The following OTC variants were observed in gnomAD, a reference collection of about 807,000 sequenced individuals.
OTC encodes ornithine transcarbamylase, also known as ornithine transcarbamylase, mitochondrial.
A neutral mutation model predicts 30.3 loss-of-function variants in OTC; 3 were observed. The ratio of observed to expected loss-of-function variants is 0.10; its 90% CI spans 0.05 to 0.26. OTC has a LOEUF of 0.26. Among genes scored for constraint, OTC ranks in the 10% least tolerant of loss-of-function variants. The pLI, the probability that OTC is intolerant of heterozygous loss-of-function variation, is 1.00. For synonymous variants in OTC, 111 were observed against 99.7 expected, an observed-to-expected ratio of 1.11 and a Z score of -0.67; for missense variants, 194 against 260.3, an observed-to-expected ratio of 0.75 and a Z score of 1.75.
At chrX:38,342,688 T>C in the OTC span, among the ~76,000 whole-genome samples, 1 of 111,574 alleles carries the variant, frequency 9.0e-6, no homozygotes, top group Non-Finnish European at 1.9e-5. Context: ...TGAACTCCAG[T>C]TGAAAAATTC....
the OTC span, among the ~76,000 whole-genome samples, chrX:38,346,106 G>C: frequency 9.0e-6 from 1 of 111,006 alleles, no homozygotes; most frequent in Non-Finnish European, 1.9e-5. Flanking sequence ...GGGTGACATA[G>C]TAAGACTCTA....
chrX:38,332,504 T>TTATTTATATATA, the OTC span, among the ~76,000 whole-genome samples: 1 of 39,381 alleles, frequency 2.5e-5, no homozygotes, highest in South Asian at 2.2e-3. Flanking sequence ...GCCCTAGATT[T>TTATTTATATATA]TATATATATA....
chrX:38,367,960 C>T (rs987893749), intron 2 of OTC, among the ~76,000 whole-genome samples: 3 of 111,301 alleles, frequency 2.7e-5, no homozygotes, highest in Admixed American at 1.9e-4. Context: ...TCAAGTGATC[C>T]GCCCACCTTG....
Position 38,369,886 on chromosome X carries a change from A to C in OTC, c.298+9A>C, listed in dbSNP as rs376393166. On this transcript the variant is annotated intron_variant, in intron 3 of 9. Transcript: ENST00000039007. ...ATTGTCTACAGAAACAGGTAAGTCC[A>C]CTGCCAAATTCACACTTGTGTTGAA... 1.8e-6 allele frequency: 2 copies of C among 1,138,129 alleles called. No homozygotes were observed. The highest frequency in any genetic ancestry group is 1.8e-5 in the South Asian group (1 of 55,247). The allele number at this position is 1,138,129 out of a possible 1,213,427, so 93.8% of individuals were successfully genotyped here.
intron 3 of OTC, among the ~76,000 whole-genome samples, chrX:38,372,584 A>C (rs1431495492): frequency 8.9e-6 from 1 of 112,559 alleles, no homozygotes; most frequent in African/African-American, 3.2e-5. Context: ...AATAACAACA[A>C]ATAAATGAAG....
At chrX:38,327,799 A>G in the OTC span, among the ~76,000 whole-genome samples, 1,061 of 112,583 alleles carry the variant, frequency 9.4e-3, 17 homozygotes, top group African/African-American at 0.032. Context: ...CAAATCCCAT[A>G]CTCCGTGACA....
Position 38,403,597 on chromosome X carries a change from C to G in OTC, c.541-21C>G. ...GCGAATTTACGCCTGGATTTCATCTCCTTCATCCCGTGCCTTTTAGGAACA... is the reference window on the plus strand; with the variant it reads ...GCGAATTTACGCCTGGATTTCATCTGCTTCATCCCGTGCCTTTTAGGAACA... On this transcript the variant is annotated intron_variant, in intron 5 of 9. Transcript: ENST00000039007. The G allele has an allele frequency of 4.1e-6, 5 of 1,207,945 alleles. No individual in the cohort carries two copies. In the Middle Eastern group the frequency reaches 1.2e-3, roughly 279 times the overall value.
chrX:38,369,600 A>C (rs1384058425), intron 2 of OTC, among the ~76,000 whole-genome samples, 196 bp from the exon 3 acceptor site: 1 of 108,501 alleles, frequency 9.2e-6, no homozygotes, highest in East Asian at 2.9e-4. Flanking sequence ...ACCTCAGGTG[A>C]TCCACCTGCC....
At chrX:38,354,873 A>G (rs1019957519) in intron 1 of OTC, among the ~76,000 whole-genome samples, 2 of 111,930 alleles carry the variant, frequency 1.8e-5, no homozygotes, top group African/African-American at 3.2e-5. Context: ...CTGGTCTCCA[A>G]TAAGACTTAC....
the OTC span, among the ~76,000 whole-genome samples, chrX:38,331,218 A>G: frequency 9.0e-6 from 1 of 111,106 alleles, no homozygotes; most frequent in Non-Finnish European, 1.9e-5. Context: ...CTAGGAGGAG[A>G]TACATTTCTA....
At chrX:38,359,133 A>G (rs2068257254) in intron 1 of OTC, among the ~76,000 whole-genome samples, 1 of 111,964 alleles carries the variant, frequency 8.9e-6, no homozygotes, top group African/African-American at 3.3e-5. Flanking sequence ...TCATGGTGGT[A>G]TGAGCAAACA....
chrX:38,343,231 C>T, the OTC span, among the ~76,000 whole-genome samples: 2 of 111,847 alleles, frequency 1.8e-5, no homozygotes, highest in South Asian at 7.5e-4. Flanking sequence ...TCACTCAGGT[C>T]CTGGGAGTGT....
Position 38,419,800 on chromosome X carries a change from T to C in OTC, c.1006-1223T>C, listed in dbSNP as rs771159497. 2.0e-4 allele frequency among the ~76,000 whole-genome samples: 22 copies of C among 111,151 alleles called. No homozygotes were observed. In the South Asian group the frequency reaches 7.6e-3, roughly 38 times the overall value. ...TACATGATCTCACTTATATGTGGAC[T>C]CTAAAAAAGTTGAACTCATAGAAGT... is the stretch of plus-strand genomic sequence containing the variant. On this transcript the variant is annotated intron_variant, in intron 9 of 9. Coordinates refer to ENST00000039007, the MANE Select transcript of OTC (RefSeq NM_000531.6).
chrX:38,353,020 G>A (rs112678498), intron 1 of OTC, among the ~76,000 whole-genome samples: 65 of 111,899 alleles, frequency 5.8e-4, no homozygotes, highest in Admixed American at 1.3e-3. Context: ...GACATCTTTC[G>A]TTTGTGTACA....
chrX:38,335,056 C>T, the OTC span, among the ~76,000 whole-genome samples: 1 of 112,082 alleles, frequency 8.9e-6, no homozygotes, highest in Non-Finnish European at 1.9e-5. Context: ...CATTCCCCAC[C>T]CTCTGGTCCA....
the OTC span, among the ~76,000 whole-genome samples, chrX:38,340,466 T>TTG: frequency 1.1e-5 from 1 of 91,824 alleles, no homozygotes; most frequent in Non-Finnish European, 2.1e-5. Flanking sequence ...TTTGTTTTTT[T>TTG]TTTTTTGTTT....
At chrX:38,375,913 C>G (rs1432680051) in intron 3 of OTC, among the ~76,000 whole-genome samples, 3 of 110,965 alleles carry the variant, frequency 2.7e-5, no homozygotes, top group Non-Finnish European at 5.7e-5. Context: ...ATTCAGAAGT[C>G]AAGAAAAATA....
chrX:38,336,028 A>C, the OTC span, among the ~76,000 whole-genome samples: 1 of 111,320 alleles, frequency 9.0e-6, no homozygotes, highest in Non-Finnish European at 1.9e-5. Flanking sequence ...CAGGTTTCCA[A>C]CTAACAGATT....
intron 1 of OTC, among the ~76,000 whole-genome samples, chrX:38,362,174 G>C (rs138651996): frequency 3.6e-5 from 4 of 111,603 alleles, no homozygotes; most frequent in Non-Finnish European, 5.6e-5. Context: ...CTAAACTTTC[G>C]ATTATTCTAG....
Sources: allele counts gnomAD v4.1 joint callset (sites outside exome capture counted in the v4.1 genomes callset), GRCh38; gene constraint gnomAD v4.1.1; transcripts MANE v1.5; gene names NCBI Gene and HGNC (gene_info 2026-07-23, HGNC 2026-07-21).